LGR6: variants seen among roughly 807,000 people sequenced by gnomAD.
The protein encoded by LGR6 is leucine rich repeat containing G protein-coupled receptor 6, also known as leucine-rich repeat-containing G protein-coupled receptor 6.
LGR6 carries 45 observed loss-of-function variants against 69.4 expected under a neutral mutation model. That is an observed-to-expected ratio of 0.65 (90% CI 0.51 to 0.83). The LOEUF is 0.83. Among genes scored for constraint, LGR6 ranks in the 40% least tolerant of loss-of-function variants. LGR6 has a pLI of 0.00. For synonymous variants in LGR6, 538 were observed against 555.0 expected, an observed-to-expected ratio of 0.97 and a Z score of 0.43; for missense variants, 1,108 against 1,246.7, an observed-to-expected ratio of 0.89 and a Z score of 1.68.
At chr1:202,216,418 A>G (rs964969750) in intron 1 of LGR6, among the ~76,000 whole-genome samples, 2 of 152,232 alleles carry the variant, frequency 1.3e-5, no homozygotes, top group Admixed American at 6.5e-5. Flanking sequence ...ATTGCTGCCC[A>G]ATAGAATGCC....
At chr1:202,261,623 G>A (rs578192191) in intron 4 of LGR6, among the ~76,000 whole-genome samples, 2 of 152,256 alleles carry the variant, frequency 1.3e-5, no homozygotes, top group South Asian at 2.1e-4. Flanking sequence ...TGGGTCAAAT[G>A]GTATTTCTAG....
intron 1 of LGR6, among the ~76,000 whole-genome samples, chr1:202,220,858 C>A (rs999666562): frequency 6.6e-6 from 1 of 152,094 alleles, no homozygotes; most frequent in Non-Finnish European, 1.5e-5. Flanking sequence ...GACACACACA[C>A]ACACACAAAC....
intron 1 of LGR6, among the ~76,000 whole-genome samples, chr1:202,213,584 A>T (rs1272837993): frequency 6.6e-6 from 1 of 152,042 alleles, no homozygotes; most frequent in East Asian, 1.9e-4. Context: ...TCCCCAGCCT[A>T]TCTTTCCTAA....
intron 1 of LGR6, among the ~76,000 whole-genome samples, chr1:202,222,306 C>T (rs1234912056): frequency 6.6e-6 from 1 of 152,048 alleles, no homozygotes; most frequent in Non-Finnish European, 1.5e-5. Flanking sequence ...TGCAGCTGGG[C>T]TTTGTGTTGT....
chr1:202,267,697 C>T lies in LGR6; in HGVS notation c.429-8609C>T, dbSNP rs144067051. Among the ~76,000 whole-genome samples, 185 of 152,240 alleles carry T rather than the reference C, an allele frequency of 1.2e-3. No homozygotes were observed. In the East Asian group the frequency reaches 0.026, roughly 22 times the overall value. On this transcript the variant is annotated intron_variant, in intron 4 of 17. Transcript: ENST00000367278. ...AATGCTGAGCACACCTGGCAATTAG[C>T]TCCTTCTCAATATAAAAGCTAAGGT...
chr1:202,226,051 C>G (rs1660523171), intron 2 of LGR6, among the ~76,000 whole-genome samples: 1 of 152,348 alleles, frequency 6.6e-6, no homozygotes, highest in Middle Eastern at 3.4e-3. Context: ...CCCTCCCTTA[C>G]AGTTAAGGCC....
At chr1:202,270,469 C>T (rs1205422401) in intron 4 of LGR6, among the ~76,000 whole-genome samples, 3 of 151,756 alleles carry the variant, frequency 2.0e-5, no homozygotes, top group Admixed American at 6.6e-5. Context: ...CTTGAACTCC[C>T]GAACTCAGGT....
At chr1:202,306,171 G>T (rs998691809) in intron 12 of LGR6, among the ~76,000 whole-genome samples, 2 of 152,192 alleles carry the variant, frequency 1.3e-5, no homozygotes, top group African/African-American at 4.8e-5. Flanking sequence ...ACATGCATAT[G>T]TGTGTATGTG....
chr1:202,251,127 G>A (rs1374631443), intron 4 of LGR6, among the ~76,000 whole-genome samples: 1 of 152,116 alleles, frequency 6.6e-6, no homozygotes, highest in East Asian at 1.9e-4. Context: ...ACAGATGACG[G>A]CCTGATATAG....
At chr1:202,267,916 G>C (rs1029912830) in intron 4 of LGR6, among the ~76,000 whole-genome samples, 6 of 152,178 alleles carry the variant, frequency 3.9e-5, no homozygotes, top group Admixed American at 6.5e-5. Flanking sequence ...TCTGTAATGA[G>C]AGGCATTTCA....
At chr1:202,200,871 C>A (rs889136643) in intron 1 of LGR6, among the ~76,000 whole-genome samples, 1 of 152,104 alleles carries the variant, frequency 6.6e-6, no homozygotes, top group African/African-American at 2.4e-5. Context: ...TGGCACTGTG[C>A]CCCCCGGAGC....
intron 6 of LGR6, among the ~76,000 whole-genome samples, chr1:202,286,810 T>C (rs1666424614): frequency 6.6e-6 from 1 of 151,878 alleles, no homozygotes; most frequent in African/African-American, 2.4e-5. Flanking sequence ...GCCCAATGAG[T>C]TTGTGTTGCG....
At chr1:202,252,174 C>T (rs1663319097) in intron 4 of LGR6, among the ~76,000 whole-genome samples, 1 of 152,162 alleles carries the variant, frequency 6.6e-6, no homozygotes, top group African/African-American at 2.4e-5. Flanking sequence ...TCCCTATACC[C>T]TGCTCTCTAC....
intron 3 of LGR6, among the ~76,000 whole-genome samples, chr1:202,231,935 A>G (rs895782260): frequency 6.6e-6 from 1 of 152,152 alleles, no homozygotes; most frequent in Non-Finnish European, 1.5e-5. Flanking sequence ...TCCACTAAAA[A>G]TACAAAATTA....
At chr1:202,198,777 C>T (rs1169743665) in intron 1 of LGR6, among the ~76,000 whole-genome samples, 6 of 150,068 alleles carry the variant, frequency 4.0e-5, no homozygotes, top group South Asian at 4.2e-4. Context: ...ATGGTCTAGA[C>T]GGGCCCCTGC....
rs1558003758 is a variant in LGR6 at position 202,204,524 on chromosome 1, AAC to A, written c.212+10332_212+10333del. On this transcript the variant is annotated intron_variant, in intron 1 of 17. Coordinates refer to ENST00000367278, the MANE Select transcript of LGR6 (RefSeq NM_001017403.2). The stretch of plus-strand genomic sequence containing the variant: ...ACCTCCAAACACACACACACCTCCA[AAC>A]ACACACACCTCCTTCAAACACACAC... Among the ~76,000 whole-genome samples, 9 of 1,788 alleles carry A rather than the reference AAC, an allele frequency of 5.0e-3. 1 individual carries two copies. The highest frequency in any genetic ancestry group is 0.029 in the Admixed American group (4 of 136). The allele number at this position is 1,788 out of a possible 152,430, so 1.2% of individuals were successfully genotyped here.
rs779071482 is a variant in LGR6, at chr1:202,298,526, A to ATT, written c.785+963_785+964dup. On this transcript the variant is annotated intron_variant, in intron 7 of 17. Coordinates refer to ENST00000367278, the MANE Select transcript of LGR6 (RefSeq NM_001017403.2). ...CAAATTTTCAGGCAGCTTAGTATCT[A>ATT]TTTTTTTTTTTTTTGAGACGGAGTC... 152 of 146,736 alleles carry ATT rather than the reference A, an allele frequency of 1.0e-3. 1 individual carries two copies. Among genetic ancestry groups the ATT allele is most frequent in the African/African-American group, 3.2e-3 (127 of 39,658 alleles). 9.1% of individuals were successfully genotyped at this position (146,736 alleles called of 1,614,324 possible).
intron 10 of LGR6, among the ~76,000 whole-genome samples, chr1:202,303,997 T>C (rs1656085599): frequency 6.6e-6 from 1 of 152,210 alleles, no homozygotes; most frequent in Non-Finnish European, 1.5e-5. Flanking sequence ...CCTTGGGTCC[T>C]TCCTGGGACA....
At chr1:202,211,090 G>A (rs1460083117) in intron 1 of LGR6, among the ~76,000 whole-genome samples, 1 of 152,188 alleles carries the variant, frequency 6.6e-6, no homozygotes, top group Non-Finnish European at 1.5e-5. Flanking sequence ...CAGGGAACTG[G>A]GGCCAATGGC....
Sources: allele counts gnomAD v4.1 joint callset (sites outside exome capture counted in the v4.1 genomes callset), GRCh38; gene constraint gnomAD v4.1.1; transcripts MANE v1.5; gene names NCBI Gene and HGNC (gene_info 2026-07-23, HGNC 2026-07-21).